GRIA1: variants seen among roughly 807,000 people sequenced by gnomAD.
GRIA1 encodes the protein glutamate ionotropic receptor AMPA type subunit 1.
GRIA1 carries 31 observed loss-of-function variants against 99.2 expected under a neutral mutation model. The ratio of observed to expected loss-of-function variants is 0.31; its 90% CI spans 0.23 to 0.42. The LOEUF is 0.42. Among genes scored for constraint, GRIA1 ranks in the 10% least tolerant of loss-of-function variants. The pLI is 1.00. For missense variants in GRIA1, 782 were observed against 1,157.5 expected (o/e 0.68, Z 4.71); for synonymous variants, 438 against 432.4 (o/e 1.01, Z -0.16).
intron 7 of GRIA1, among the ~76,000 whole-genome samples, chr5:153,684,806 T>G (rs1757230906): frequency 6.6e-6 from 1 of 152,184 alleles, no homozygotes; most frequent in East Asian, 1.9e-4. Context: ...AGCCCAGACA[T>G]TTATGGAGCT....
chr5:153,598,719 T>A (rs2149394348), intron 2 of GRIA1, among the ~76,000 whole-genome samples: 1 of 152,322 alleles, frequency 6.6e-6, no homozygotes, highest in East Asian at 1.9e-4. Flanking sequence ...GCTCTTGAGT[T>A]TATGATATGG....
chr5:153,572,405 AG>A (rs371362368), intron 2 of GRIA1, among the ~76,000 whole-genome samples: 23 of 152,242 alleles, frequency 1.5e-4, no homozygotes, highest in African/African-American at 5.5e-4. Flanking sequence ...CACATTTTCT[AG>A]CACCTCCTGT....
chr5:153,500,932 A>G lies in GRIA1; in HGVS notation c.220+6867A>G, dbSNP rs538055259. On this transcript the variant is annotated intron_variant, in intron 2 of 15. Transcript: ENST00000285900. ...CCTTGGAGAAACATCCCCTCCCCCA[A>G]GCTTATTTATAAAATGAAGCTCATG... Among the ~76,000 whole-genome samples, 20 of 152,188 alleles carry G rather than the reference A, an allele frequency of 1.3e-4. No individual in the cohort carries two copies. In the South Asian group the frequency reaches 4.0e-3, roughly 30 times the overall value.
chr5:153,623,973 AATC>A (rs1158655862), intron 2 of GRIA1, among the ~76,000 whole-genome samples: 14 of 152,200 alleles, frequency 9.2e-5, no homozygotes, highest in Admixed American at 9.2e-4. Context: ...TATGGATTGA[AATC>A]ATACTAATGA....
chr5:153,525,682 G>T (rs1757530609), intron 2 of GRIA1, among the ~76,000 whole-genome samples: 2 of 152,112 alleles, frequency 1.3e-5, no homozygotes, highest in Non-Finnish European at 2.9e-5. Context: ...GCAAAACTTG[G>T]GAGATAAGGG....
At chr5:153,732,512 C>G (rs1484614955) in intron 11 of GRIA1, among the ~76,000 whole-genome samples, 1 of 152,042 alleles carries the variant, frequency 6.6e-6, no homozygotes, top group Non-Finnish European at 1.5e-5. Flanking sequence ...CATTGGCCAC[C>G]TTTCTGTCTT....
chr5:153,765,365 G>A (rs560579480), intron 12 of GRIA1, among the ~76,000 whole-genome samples: 1 of 152,060 alleles, frequency 6.6e-6, no homozygotes, highest in African/African-American at 2.4e-5. Context: ...AAAGAGATAG[G>A]GTATCTAAAA....
Position 153,705,898 on chromosome 5 carries a change from G to A in GRIA1, c.1654G>A (p.Val552Ile). The change falls in exon 11 of 16, where the codon GTT becomes ATT. Residue 552 changes from valine to isoleucine, a missense_variant. Val to Ile is a conservative substitution (Grantham distance 29). Around this residue, in one of 5 missense-constraint regions of GRIA1, gnomAD observed 87 missense variants for 184.5 expected, o/e 0.47. Coordinates refer to ENST00000285900, the MANE Select transcript of GRIA1 (RefSeq NM_000827.4). ...CIVFAYIGVSVVLFLVSRFSP... is the reference protein window; with the variant it reads ...CIVFAYIGVSIVLFLVSRFSP... ...TGTTTTTGCCTACATTGGAGTGAGT[G>A]TTGTCCTCTTCCTGGTCAGCCGCTT... The A allele has an allele frequency of 6.2e-7, 1 of 1,613,936 alleles. No homozygotes were observed. Among genetic ancestry groups the A allele is most frequent in the Non-Finnish European group, 8.5e-7 (1 of 1,179,976 alleles).
At chr5:153,529,848 C>G (rs890428366) in intron 2 of GRIA1, among the ~76,000 whole-genome samples, 1 of 152,158 alleles carries the variant, frequency 6.6e-6, no homozygotes, top group Non-Finnish European at 1.5e-5. Flanking sequence ...GGAATTCACA[C>G]AATAAAATGA....
chr5:153,785,683 T>C (rs1013124509), intron 13 of GRIA1, among the ~76,000 whole-genome samples: 6 of 152,260 alleles, frequency 3.9e-5, no homozygotes, highest in African/African-American at 1.4e-4. Flanking sequence ...CACAAACCAG[T>C]TCCAGCTCAT....
chr5:153,595,824 A>G (rs867373153), intron 2 of GRIA1, among the ~76,000 whole-genome samples: 21 of 150,712 alleles, frequency 1.4e-4, no homozygotes, highest in Admixed American at 1.3e-4. Context: ...GTCCTTTACT[A>G]ACTAACAAAG....
At chr5:153,778,515 C>T (rs1459184631) in intron 13 of GRIA1, among the ~76,000 whole-genome samples, 1 of 152,084 alleles carries the variant, frequency 6.6e-6, no homozygotes, top group Non-Finnish European at 1.5e-5. Context: ...TTTTCACCTT[C>T]ATCACATAAT....
intron 5 of GRIA1, among the ~76,000 whole-genome samples, chr5:153,656,785 A>G (rs1339310725): frequency 1.3e-5 from 2 of 152,182 alleles, no homozygotes. Context: ...TGAAACCATC[A>G]CCACAGTCTT....
chr5:153,663,244 A>C (rs1755500196), intron 5 of GRIA1, among the ~76,000 whole-genome samples: 2 of 152,324 alleles, frequency 1.3e-5, no homozygotes, highest in South Asian at 4.1e-4. Flanking sequence ...AATGAAGTTC[A>C]AGTTGTTGAA....
chr5:153,575,044 T>C (rs1026901665), intron 2 of GRIA1, among the ~76,000 whole-genome samples: 1 of 152,214 alleles, frequency 6.6e-6, no homozygotes, highest in Admixed American at 6.5e-5. Context: ...AACCCACTAA[T>C]TCAAATTAAA....
chr5:153,555,552 C>T (rs1760558603), intron 2 of GRIA1, among the ~76,000 whole-genome samples: 3 of 152,106 alleles, frequency 2.0e-5, no homozygotes, highest in Admixed American at 1.3e-4. Flanking sequence ...GTATTTTCCC[C>T]CTTCCTTATT....
At chr5:153,609,350 C>G (rs1994862) in intron 2 of GRIA1, among the ~76,000 whole-genome samples, 35,071 of 151,904 alleles carry the variant, frequency 0.23, 4,487 homozygotes, top group Non-Finnish European at 0.3. Context: ...TGGGAGTATT[C>G]GTCCAAATTA....
chr5:153,646,141 G>A (rs868109358), intron 2 of GRIA1, among the ~76,000 whole-genome samples: 2 of 152,220 alleles, frequency 1.3e-5, no homozygotes, highest in Admixed American at 6.5e-5. Context: ...ATTGGCAACT[G>A]CATTGGGATT....
At chr5:153,677,237 G>A (rs1314324502) in intron 7 of GRIA1, 76 bp downstream of exon 7, 1 of 1,215,930 alleles carries the variant, frequency 8.2e-7, no homozygotes. Flanking sequence ...ATAAAACACA[G>A]CTATTCTAAA....
Sources: allele counts gnomAD v4.1 joint callset (sites outside exome capture counted in the v4.1 genomes callset), GRCh38; gene constraint gnomAD v4.1.1; regional missense constraint gnomAD v4.1.1; transcripts MANE v1.5; gene names NCBI Gene and HGNC (gene_info 2026-07-23, HGNC 2026-07-21).